Variants in TENM2 observed in about 807,000 individuals in gnomAD.
TENM2 encodes the protein teneurin transmembrane protein 2, also known as teneurin-2.
In TENM2, 52 loss-of-function variants were observed where a neutral mutation model predicts 245.2. The observed-to-expected ratio is 0.21, with a 90% CI of 0.17 to 0.27. TENM2 has a LOEUF of 0.27. TENM2 is among the 10% of genes least tolerant of loss of function. The pLI is 1.00. For synonymous variants in TENM2, 1,363 were observed against 1,438.9 expected (o/e 0.95, Z 1.19); for missense variants, 3,046 against 3,666.8 (o/e 0.83, Z 4.37).
intron 2 of TENM2, among the ~76,000 whole-genome samples, chr5:167,491,386 T>C (rs756853031): frequency 2.0e-5 from 3 of 151,838 alleles, no homozygotes; most frequent in Non-Finnish European, 2.9e-5. Context: ...AGTTAATTGG[T>C]GCTAAAAGCT....
the TENM2 span, among the ~76,000 whole-genome samples, chr5:167,015,647 T>A: frequency 3.3e-5 from 5 of 152,230 alleles, no homozygotes; most frequent in Non-Finnish European, 7.3e-5. Flanking sequence ...TATAGTTTGT[T>A]TGTTTGTTTG....
At chr5:167,701,708 G>T (rs910799487) in intron 2 of TENM2, among the ~76,000 whole-genome samples, 13 of 152,180 alleles carry the variant, frequency 8.5e-5, no homozygotes, top group Admixed American at 4.6e-4. Flanking sequence ...CAAAGTGCCT[G>T]ATTCCTAGTT....
At position 168,226,279 on chromosome 5, in the gene TENM2, T is replaced by C. The variant is rs1398876221; in HGVS notation, c.5284+16T>C. The C allele has an allele frequency of 1.9e-6, 3 of 1,608,146 alleles. No homozygotes were observed. Among genetic ancestry groups the C allele is most frequent in the Middle Eastern group, 3.3e-4 (2 of 6,036 alleles). On this transcript the variant is annotated intron_variant, in intron 24 of 28. Coordinates refer to ENST00000518659, the Ensembl canonical transcript of TENM2. ...GTGGTACAAGGTGAGCCTCCACCCA[T>C]ACCATCCTACCCCCAAACTCACCCA...
chr5:167,601,813 A>C (rs551807643), intron 2 of TENM2, among the ~76,000 whole-genome samples: 37 of 152,274 alleles, frequency 2.4e-4, no homozygotes, highest in Admixed American at 4.6e-4. Flanking sequence ...GCTTAGTAAA[A>C]ATTGCAAACA....
chr5:167,041,866 G>T, the TENM2 span, among the ~76,000 whole-genome samples: 1 of 152,218 alleles, frequency 6.6e-6, no homozygotes, highest in Non-Finnish European at 1.5e-5. Context: ...TCACCCAGAA[G>T]GTAATTAGTC....
At chr5:167,319,643 T>C (rs1051230438) in intron 1 of TENM2, among the ~76,000 whole-genome samples, 1 of 152,194 alleles carries the variant, frequency 6.6e-6, no homozygotes, top group Admixed American at 6.5e-5. Context: ...AACATGCATC[T>C]ATTTGAAGGA....
chr5:167,647,869 T>G (rs546741092), intron 2 of TENM2, among the ~76,000 whole-genome samples: 4 of 152,170 alleles, frequency 2.6e-5, no homozygotes, highest in Non-Finnish European at 4.4e-5. Context: ...TTGTCTTGAC[T>G]TTCCCTCTCA....
chr5:168,087,963 C>T (rs947386089), intron 7 of TENM2, among the ~76,000 whole-genome samples: 3 of 152,158 alleles, frequency 2.0e-5, no homozygotes, highest in Non-Finnish European at 4.4e-5. Context: ...CAGGGGGACT[C>T]TGAGGAGCCA....
At chr5:167,975,231 G>C (rs1169723861) in intron 4 of TENM2, among the ~76,000 whole-genome samples, 1 of 152,178 alleles carries the variant, frequency 6.6e-6, no homozygotes, top group Non-Finnish European at 1.5e-5. Context: ...CTGCATGACA[G>C]TTTTCCTTGA....
chr5:168,126,937 T>C (rs371535930), exon 12 of TENM2: 195 of 1,608,190 alleles, frequency 1.2e-4, no homozygotes, highest in Non-Finnish European at 1.6e-4. Context: ...CACTGCACCA[T>C]TGGTAGGCAA....
At chr5:167,850,861 C>A (rs796266999) in intron 2 of TENM2, among the ~76,000 whole-genome samples, 5 of 152,282 alleles carry the variant, frequency 3.3e-5, no homozygotes, top group African/African-American at 1.2e-4. Context: ...CTCTGTAGTG[C>A]TGGATTCAGG....
chr5:167,028,218 AT>A, the TENM2 span, among the ~76,000 whole-genome samples: 2 of 152,158 alleles, frequency 1.3e-5, no homozygotes, highest in Non-Finnish European at 2.9e-5. Flanking sequence ...CAAGAACGTC[AT>A]TGAATAATAT....
intron 2 of TENM2, among the ~76,000 whole-genome samples, chr5:167,738,697 C>T (rs1311358738): frequency 6.6e-6 from 1 of 152,126 alleles, no homozygotes; most frequent in African/African-American, 2.4e-5. Flanking sequence ...GAGGTGTCAG[C>T]AGGTGTGGTT....
chr5:167,241,006 A>G, the TENM2 span, among the ~76,000 whole-genome samples: 1 of 152,162 alleles, frequency 6.6e-6, no homozygotes, highest in African/African-American at 2.4e-5. Context: ...ATAGCTCAAA[A>G]CTAATATTCC....
chr5:168,084,825 C>T (rs906342194), intron 7 of TENM2, among the ~76,000 whole-genome samples: 2 of 152,116 alleles, frequency 1.3e-5, no homozygotes, highest in African/African-American at 4.8e-5. Flanking sequence ...TTTTCTCTGC[C>T]CCAGTGTGAT....
At chr5:167,548,397 A>T (rs1246946343) in intron 2 of TENM2, among the ~76,000 whole-genome samples, 1 of 152,134 alleles carries the variant, frequency 6.6e-6, no homozygotes, top group Admixed American at 6.6e-5. Context: ...TAAACTGTCT[A>T]GCTCCCTGTA....
chr5:167,421,684 C>T (rs966594146), intron 2 of TENM2, among the ~76,000 whole-genome samples: 8 of 152,170 alleles, frequency 5.3e-5, no homozygotes, highest in African/African-American at 1.7e-4. Context: ...AGCATCCTTA[C>T]CTATAAAATA....
chr5:167,190,545 G>A, the TENM2 span, among the ~76,000 whole-genome samples: 1 of 152,006 alleles, frequency 6.6e-6, no homozygotes, highest in Non-Finnish European at 1.5e-5. Context: ...TATTTTGCTT[G>A]ATTCTCATAG....
chr5:167,575,604 A>T (rs1304232670), intron 2 of TENM2, among the ~76,000 whole-genome samples: 2 of 152,088 alleles, frequency 1.3e-5, no homozygotes, highest in Non-Finnish European at 2.9e-5. Context: ...TAGAGACCAA[A>T]TGGACTGTGG....
Sources: gnomAD v4.1 joint callset for allele counts (sites outside exome capture counted in the v4.1 genomes callset) on GRCh38, gnomAD v4.1.1 for gene constraint, MANE v1.5 for transcripts, NCBI Gene and HGNC (gene_info 2026-07-23, HGNC 2026-07-21) for gene names.